The following TCF24 variants were observed in gnomAD, a reference collection of about 807,000 sequenced individuals.
The protein encoded by TCF24 is transcription factor 24.
Under a neutral mutation model 9.3 loss-of-function variants are expected in TCF24, and 5 were observed. The ratio of observed to expected loss-of-function variants is 0.54; its 90% CI spans 0.28 to 1.13. TCF24 has a LOEUF of 1.13. Among genes scored for constraint, TCF24 ranks in the 50% most tolerant of loss-of-function variants. The pLI is 0.09. For synonymous variants in TCF24, 110 were observed against 115.8 expected, an observed-to-expected ratio of 0.95 and a Z score of 0.32; for missense variants, 220 against 236.1, an observed-to-expected ratio of 0.93 and a Z score of 0.45.
chr8:66,949,941 T>C (rs1307429088), intron 3 of TCF24, among the ~76,000 whole-genome samples: 2 of 144,614 alleles, frequency 1.4e-5, no homozygotes, highest in South Asian at 2.3e-4. Context: ...TCGCCCACTT[T>C]TTGATGGGGT....
At chr8:66,957,111 CAAAAAAAAAAA>C (rs1165600722) in intron 3 of TCF24, among the ~76,000 whole-genome samples, 21 of 15,740 alleles carry the variant, frequency 1.3e-3, no homozygotes, top group African/African-American at 3.3e-3. Context: ...GACTCCGTCT[CAAAAAAAAAAA>C]AAAAAAAAAA....
At chr8:66,961,306 G>C (rs1055844032) in intron 3 of TCF24, 70 bp downstream of exon 3, 20 of 1,369,642 alleles carry the variant, frequency 1.5e-5, no homozygotes, top group South Asian at 1.6e-5. Flanking sequence ...TACCCAAGAC[G>C]GTGACTGGCA....
chr8:66,949,159 T>G (rs1162038975), intron 3 of TCF24, among the ~76,000 whole-genome samples: 1 of 152,006 alleles, frequency 6.6e-6, no homozygotes, highest in Non-Finnish European at 1.5e-5. Context: ...ATTGTGCAGG[T>G]TAGTTACATA....
intron 3 of TCF24, among the ~76,000 whole-genome samples, chr8:66,958,723 A>AT (rs113645728): frequency 3.2e-4 from 48 of 152,208 alleles, no homozygotes; most frequent in African/African-American, 9.6e-4. Context: ...CCTGTTATCT[A>AT]TTTTTTTCAA....
At chr8:66,956,820 C>CT (rs1371389020) in intron 3 of TCF24, among the ~76,000 whole-genome samples, 1 of 152,058 alleles carries the variant, frequency 6.6e-6, no homozygotes, top group Non-Finnish European at 1.5e-5. Flanking sequence ...TGTTGAAGCT[C>CT]TTACCTCTAA....
At chr8:66,954,300 T>G (rs1176657824) in intron 3 of TCF24, among the ~76,000 whole-genome samples, 1 of 151,922 alleles carries the variant, frequency 6.6e-6, no homozygotes, top group Non-Finnish European at 1.5e-5. Context: ...GTTTGTTAGT[T>G]TTCCTTCTAA....
At chr8:66,948,197 G>C in intron 3 of TCF24, 33 bp from the exon 4 acceptor site, 1 of 1,475,382 alleles carries the variant, frequency 6.8e-7, no homozygotes, top group Middle Eastern at 1.7e-4. Flanking sequence ...GAATTCAAAA[G>C]TTAGTATCTA....
At chr8:66,961,131 G>C (rs1391171626) in intron 3 of TCF24, among the ~76,000 whole-genome samples, 1 of 152,204 alleles carries the variant, frequency 6.6e-6, no homozygotes, top group South Asian at 2.1e-4. Context: ...TAAGAGGCTT[G>C]CGAGACTCTT....
chr8:66,949,957 G>T (rs1416206012), intron 3 of TCF24, among the ~76,000 whole-genome samples: 5 of 143,666 alleles, frequency 3.5e-5, no homozygotes, highest in Non-Finnish European at 7.6e-5. Context: ...GGGGTTGTTT[G>T]TTTTTTTCTT....
At position 66,946,557 on chromosome 8, in the gene TCF24, T is replaced by C. The variant is rs779301519; in HGVS notation, c.*1494A>G. 6.6e-6 allele frequency: 1 copy of C among 152,110 alleles called. No individual in the cohort carries two copies. Among genetic ancestry groups the C allele is most frequent in the South Asian group, 2.1e-4 (1 of 4,828 alleles). The allele number at this position is 152,110 out of a possible 1,614,324, so 9.4% of individuals were successfully genotyped here. A position where few individuals can be genotyped will look rare whatever the true frequency, so the allele number is the denominator to read the frequency against. ...TACCTCTTATCATGACCATTCACCA[T>C]TAAAGCATTAAAAGAGCATGCTCTT... is the stretch of plus-strand genomic sequence containing the variant. On this transcript the variant is annotated 3_prime_UTR_variant, in exon 4 of 4. Coordinates refer to ENST00000563496, the MANE Select transcript of TCF24 (RefSeq NM_001193502.2).
rs1254033999 is a variant in TCF24, at chr8:66,950,274, G to A, written c.391-2110C>T. Among the ~76,000 whole-genome samples, 5 of 150,104 alleles carry A rather than the reference G, an allele frequency of 3.3e-5. No individual in the cohort carries two copies. The South Asian group carries it at 8.5e-4, about 25-fold the overall frequency. On this transcript the variant is annotated intron_variant, in intron 3 of 3. Transcript: ENST00000563496. The stretch of plus-strand genomic sequence containing the variant: ...TTAAGTCTTTAATCCATCTTGAATT[G>A]ATTTTTGTATAAGGTGTAAGGAAGG...
Position 66,961,419 on chromosome 8 carries a change from C to T in TCF24, c.347G>A (p.Gly116Glu), listed in dbSNP as rs761380553. ...QDDAEAPADA[G>E]LGALRGDGYL... ...GCCATCGCCGCGCAGGGCGCCCAACCCGGCGTCCGCCGGCGCCTCGGCGTC... is the reference window on the plus strand; with the variant it reads ...GCCATCGCCGCGCAGGGCGCCCAACTCGGCGTCCGCCGGCGCCTCGGCGTC... The change falls in exon 3 of 4, where the codon GGG becomes GAG. Residue 116 changes from glycine (G) to glutamate (E), a missense_variant. Physicochemically the swap from Gly to Glu is moderately conservative, Grantham distance 98. Transcript: ENST00000563496. 1.4e-5 allele frequency: 21 copies of T among 1,517,882 alleles called. No homozygotes were observed. The South Asian group carries it at 2.4e-4, about 18-fold the overall frequency. 94.0% of individuals were successfully genotyped at this position (1,517,882 alleles called of 1,614,324 possible).
intron 3 of TCF24, among the ~76,000 whole-genome samples, chr8:66,948,907 G>A (rs950969336): frequency 6.6e-6 from 1 of 152,098 alleles, no homozygotes; most frequent in African/African-American, 2.4e-5. Context: ...CGCTGTCCAC[G>A]TCGGTCTTGA....
intron 3 of TCF24, among the ~76,000 whole-genome samples, chr8:66,959,106 C>T (rs1814214158): frequency 6.6e-6 from 1 of 152,226 alleles, no homozygotes; most frequent in Non-Finnish European, 1.5e-5. Flanking sequence ...CAGGTGCACA[C>T]ACCACAGCCA....
At chr8:66,948,489 A>G (rs1428114776) in intron 3 of TCF24, among the ~76,000 whole-genome samples, 1 of 152,224 alleles carries the variant, frequency 6.6e-6, no homozygotes, top group Admixed American at 6.5e-5. Context: ...ATTTTAAACT[A>G]AACCTAAAAC....
chr8:66,950,223 G>T (rs1013181277), intron 3 of TCF24, among the ~76,000 whole-genome samples: 1 of 151,046 alleles, frequency 6.6e-6, no homozygotes, highest in East Asian at 1.9e-4. Flanking sequence ...TTTCTTCTCG[G>T]GTTTTTATGG....
intron 3 of TCF24, among the ~76,000 whole-genome samples, chr8:66,959,436 A>G (rs758093242): frequency 1.3e-5 from 2 of 152,236 alleles, no homozygotes; most frequent in Non-Finnish European, 2.9e-5. Flanking sequence ...ATGTTTAAAC[A>G]TTTTGGTAGT....
At chr8:66,958,159 T>A (rs1814193837) in intron 3 of TCF24, among the ~76,000 whole-genome samples, 1 of 152,088 alleles carries the variant, frequency 6.6e-6, no homozygotes, top group Non-Finnish European at 1.5e-5. Flanking sequence ...GTTTTAAGAG[T>A]CTGAAATTAA....
intron 3 of TCF24, among the ~76,000 whole-genome samples, chr8:66,955,524 A>G (rs542576907): frequency 8.5e-5 from 13 of 152,308 alleles, no homozygotes; most frequent in African/African-American, 1.9e-4. Context: ...AGCACCATAA[A>G]ATGTTTTTAA....
Sources: gnomAD v4.1 joint callset for allele counts (sites outside exome capture counted in the v4.1 genomes callset) on GRCh38, gnomAD v4.1.1 for gene constraint, MANE v1.5 for transcripts, NCBI Gene and HGNC (gene_info 2026-07-23, HGNC 2026-07-21) for gene names.